The following FOXP1 variants were observed in gnomAD, a reference collection of about 807,000 sequenced individuals.
FOXP1 encodes forkhead box P1.
Under a neutral mutation model 98.2 loss-of-function variants are expected in FOXP1, and 15 were observed. The observed-to-expected ratio is 0.15, with a 90% confidence interval of 0.10 to 0.24. The LOEUF is 0.24. Among genes scored for constraint, FOXP1 ranks in the 10% least tolerant of loss-of-function variants. The pLI is 1.00. For missense variants in FOXP1, 633 were observed against 848.5 expected (o/e 0.75, Z 3.15); for synonymous variants, 371 against 314.5 (o/e 1.18, Z -1.90).
chr3:71,581,959 G>A (rs912204497), intron 1 of FOXP1: 4 of 973,576 alleles, frequency 4.1e-6, no homozygotes, highest in Non-Finnish European at 4.9e-6. Flanking sequence ...ACAACAAAAA[G>A]GAGGGGGGAG....
intron 4 of FOXP1, among the ~76,000 whole-genome samples, chr3:71,324,495 T>C (rs1299787339): frequency 6.6e-6 from 1 of 152,098 alleles, no homozygotes; most frequent in Non-Finnish European, 1.5e-5. Flanking sequence ...AAATCATCAT[T>C]CTGAACAAAT....
At position 70,988,086 on chromosome 3, in the gene FOXP1, A is replaced by G. The variant is rs1469786468; in HGVS notation, c.1063-9T>C. 3.1e-6 allele frequency: 5 copies of G among 1,613,298 alleles called. No homozygotes were observed. The highest frequency in any genetic ancestry group is 2.7e-5 in the African/African-American group (2 of 74,904). ...TCTTTGTCTTTTGCAAGCTGGCAAG[A>G]AGAAAATGCTTTGTTATTTCTCTGA... On this transcript the variant is annotated splice_polypyrimidine_tract_variant and intron_variant, in intron 13 of 20. Coordinates refer to ENST00000649528, the MANE Select transcript of FOXP1 (RefSeq NM_001349338.3).
chr3:71,165,417 C>T (rs886779505), intron 6 of FOXP1, among the ~76,000 whole-genome samples: 5 of 151,976 alleles, frequency 3.3e-5, no homozygotes, highest in Middle Eastern at 6.3e-3. Context: ...TTAATCATTT[C>T]GAATAAAAAA....
At chr3:71,102,235 C>T (rs760359555) in intron 7 of FOXP1, among the ~76,000 whole-genome samples, 18 of 152,114 alleles carry the variant, frequency 1.2e-4, no homozygotes, top group Non-Finnish European at 2.1e-4. Flanking sequence ...TGGAAATAGC[C>T]GGGATGACTT....
chr3:71,052,531 C>T lies in FOXP1; in HGVS notation c.510+6G>A, dbSNP rs1046419495. ...GGTTTGAAAGTAAAATATGTATTGTCGGTACCTCTTTAGGCTGTTTTCCAG... is the reference window on the plus strand; with the variant it reads ...GGTTTGAAAGTAAAATATGTATTGTTGGTACCTCTTTAGGCTGTTTTCCAG... On this transcript the variant is annotated splice_donor_region_variant and intron_variant, in intron 9 of 20. Transcript: ENST00000649528. 27 of 1,113,824 alleles carry T rather than the reference C, an allele frequency of 2.4e-5. No individual in the cohort carries two copies. The highest frequency in any genetic ancestry group is 3.3e-5 in the Non-Finnish European group (24 of 722,496). The allele number at this position is 1,113,824 out of a possible 1,614,324, so 69.0% of individuals were successfully genotyped here. A position where few individuals can be genotyped will look rare whatever the true frequency, so the allele number is the denominator to read the frequency against.
intron 3 of FOXP1, among the ~76,000 whole-genome samples, chr3:71,360,062 G>A (rs778730051): frequency 2.6e-5 from 4 of 152,036 alleles, no homozygotes; most frequent in Non-Finnish European, 5.9e-5. Context: ...CAAAGTGCTG[G>A]GATTACAGGC....
At chr3:71,506,721 G>A (rs1353047230) in intron 2 of FOXP1, among the ~76,000 whole-genome samples, 1 of 152,122 alleles carries the variant, frequency 6.6e-6, no homozygotes, top group East Asian at 1.9e-4. Flanking sequence ...CCTTGACTTA[G>A]GCTCAGTGCT....
chr3:71,299,009 A>C (rs1039626188), intron 5 of FOXP1, among the ~76,000 whole-genome samples: 1 of 152,236 alleles, frequency 6.6e-6, no homozygotes, highest in Non-Finnish European at 1.5e-5. Flanking sequence ...TGAAACAAAG[A>C]TGCTACTGCT....
At chr3:71,373,493 G>C (rs1401328635) in intron 3 of FOXP1, among the ~76,000 whole-genome samples, 1 of 152,174 alleles carries the variant, frequency 6.6e-6, no homozygotes, top group Non-Finnish European at 1.5e-5. Context: ...GTTCAAGTGA[G>C]GAGGATGAAG....
rs536343016 is a variant in FOXP1 at position 71,496,738 on chromosome 3, C to T, written c.-297-3183G>A. Among the ~76,000 whole-genome samples the T allele has an allele frequency of 1.4e-4, 21 of 151,940 alleles. No homozygotes were observed. In the East Asian group the frequency reaches 3.1e-3, roughly 22 times the overall value. ...AGAAGAATCGCTTGATCCAGGGAGT[C>T]GGAAGTTGCAGTGAGCTGAGATTGC... On this transcript the variant is annotated intron_variant, in intron 2 of 20. Coordinates refer to ENST00000649528, the MANE Select transcript of FOXP1 (RefSeq NM_001349338.3).
rs1300116911 is a variant in FOXP1, at chr3:71,519,518, C to G, written c.-297-25963G>C. Among the ~76,000 whole-genome samples the G allele has an allele frequency of 2.0e-5, 3 of 152,156 alleles. No individual in the cohort carries two copies. The East Asian group carries it at 5.8e-4, about 29-fold the overall frequency. On this transcript the variant is annotated intron_variant, in intron 2 of 20. Transcript: ENST00000649528. Reference sequence around the variant, plus strand: ...ATATTAGGATTCTCTCAGGAAGGCACAGACCATTTTCTAAGGCCCCATCTC... The same window carrying G: ...ATATTAGGATTCTCTCAGGAAGGCAGAGACCATTTTCTAAGGCCCCATCTC...
chr3:71,036,241 C>T (rs2047563300), intron 11 of FOXP1, among the ~76,000 whole-genome samples: 1 of 152,178 alleles, frequency 6.6e-6, no homozygotes, highest in Non-Finnish European at 1.5e-5. Context: ...CAGTAATACA[C>T]AGGGCTCCGT....
chr3:71,228,095 A>C (rs1039912505), intron 5 of FOXP1, among the ~76,000 whole-genome samples: 1 of 152,106 alleles, frequency 6.6e-6, no homozygotes, highest in Non-Finnish European at 1.5e-5. Context: ...TTGAATTGAC[A>C]CATTATTCTA....
intron 12 of FOXP1, among the ~76,000 whole-genome samples, chr3:71,005,638 T>C (rs1047671077): frequency 7.2e-5 from 11 of 152,070 alleles, no homozygotes; most frequent in Admixed American, 3.9e-4. Context: ...CTTGATAGGA[T>C]TGAGTTTAAG....
chr3:70,970,994 T>C (rs1305402387), intron 18 of FOXP1, 189 bp from the exon 19 acceptor site: 5 of 609,854 alleles, frequency 8.2e-6, no homozygotes, highest in Non-Finnish European at 1.5e-5. Context: ...ACCTCTGGGG[T>C]TGGACTTCTC....
chr3:71,411,223 T>C (rs2082702404), intron 3 of FOXP1, among the ~76,000 whole-genome samples: 1 of 151,934 alleles, frequency 6.6e-6, no homozygotes, highest in African/African-American at 2.4e-5. Flanking sequence ...TCTGCTCCAG[T>C]TCCCCCTCCA....
intron 2 of FOXP1, among the ~76,000 whole-genome samples, chr3:71,509,556 G>A (rs1173947261): frequency 1.3e-5 from 2 of 152,126 alleles, no homozygotes; most frequent in African/African-American, 4.8e-5. Flanking sequence ...TACATCATGG[G>A]GGGAGGACAT....
At chr3:71,202,472 CT>C (rs2063738247) in intron 5 of FOXP1, among the ~76,000 whole-genome samples, 1 of 152,172 alleles carries the variant, frequency 6.6e-6, no homozygotes, top group Non-Finnish European at 1.5e-5. Context: ...TTTAATAAGC[CT>C]TTATATCTGT....
chr3:71,537,069 C>A (rs1382382084), intron 2 of FOXP1, among the ~76,000 whole-genome samples: 3 of 152,124 alleles, frequency 2.0e-5, no homozygotes, highest in Admixed American at 6.5e-5. Context: ...AGCCAGCGAT[C>A]CCTAAATAAA....
Sources: gnomAD v4.1 joint callset for allele counts (sites outside exome capture counted in the v4.1 genomes callset) on GRCh38, gnomAD v4.1.1 for gene constraint, MANE v1.5 for transcripts, NCBI Gene and HGNC (gene_info 2026-07-23, HGNC 2026-07-21) for gene names.